Variants in KCNG2 observed in about 807,000 individuals in gnomAD.
KCNG2 encodes the protein voltage-gated potassium channel regulatory subunit KCNG2.
KCNG2 carries 7 observed loss-of-function variants against 12.3 expected under a neutral mutation model. The ratio of observed to expected loss-of-function variants is 0.57; its 90% CI spans 0.32 to 1.07. KCNG2 has a LOEUF of 1.07. KCNG2 is among the 50% of genes least tolerant of loss of function. The pLI is 0.04. For synonymous variants in KCNG2, 414 were observed against 351.4 expected (o/e 1.18, Z -1.99); for missense variants, 703 against 726.0 (o/e 0.97, Z 0.36).
intron 1 of KCNG2, among the ~76,000 whole-genome samples, chr18:79,836,416 T>C (rs2123032376): frequency 6.6e-6 from 1 of 152,214 alleles, no homozygotes; most frequent in African/African-American, 2.4e-5. Context: ...ACAGTTGTGG[T>C]TGGAGATAAC....
rs757022948 is a variant in KCNG2, at chr18:79,899,800, T to A, written c.1385T>A (p.Val462Glu). ...LADDSADALWVRAGR is the reference protein window; with the variant it reads ...LADDSADALWERAGR ...GACGACTCCGCGGATGCGCTGTGGG[T>A]GCGGGCAGGGCGCTGACGCCTGCGC... Residue 462 changes from valine (V) to glutamate (E), a missense_variant, in exon 4 of 4, where the codon GTG becomes GAG. Val to Glu is a moderately radical substitution (Grantham distance 121). Transcript: ENST00000316249. 11 of 1,421,922 alleles carry A rather than the reference T, an allele frequency of 7.7e-6. No individual in the cohort carries two copies. The highest frequency in any genetic ancestry group is 9.1e-6 in the Non-Finnish European group (10 of 1,096,246). The allele number at this position is 1,421,922 out of a possible 1,614,324, so 88.1% of individuals were successfully genotyped here.
chr18:79,883,448 CA>C (rs1383824723), intron 3 of KCNG2, among the ~76,000 whole-genome samples: 1 of 152,218 alleles, frequency 6.6e-6, no homozygotes, highest in Non-Finnish European at 1.5e-5. Flanking sequence ...GACAACTCCC[CA>C]AAATAGAATT....
At chr18:79,842,441 A>G (rs1461498579) in intron 1 of KCNG2, among the ~76,000 whole-genome samples, 1 of 152,264 alleles carries the variant, frequency 6.6e-6, no homozygotes, top group East Asian at 1.9e-4. Flanking sequence ...ATGCAAGGGC[A>G]CAAGGATCAT....
In KCNG2 at chr18:79,800,697, C is replaced by T. The variant is rs2087402503; in HGVS notation, c.-115+2683C>T. Among the ~76,000 whole-genome samples the T allele has an allele frequency of 6.6e-6, 1 of 152,216 alleles. No individual in the cohort carries two copies. The highest frequency in any genetic ancestry group is 1.5e-5 in the Non-Finnish European group (1 of 68,044). On this transcript the variant is annotated intron_variant, in intron 1 of 3. Transcript: ENST00000316249. The surrounding 1 kb of genome is among the most constrained non-coding windows in gnomAD (Gnocchi z 4.0). ...CAGTTCCTTCCCCGGGCGGGCGGCG[C>T]TGAGCAGACGGGAGGTGGGCTGGTG...
intron 2 of KCNG2, among the ~76,000 whole-genome samples, chr18:79,857,250 C>A (rs1418922120): frequency 6.7e-6 from 1 of 149,622 alleles, no homozygotes; most frequent in Non-Finnish European, 1.5e-5. Flanking sequence ...CTGACCACGT[C>A]CCCCCTCTTC....
chr18:79,804,054 C>G (rs2087430825), intron 1 of KCNG2, among the ~76,000 whole-genome samples: 1 of 152,196 alleles, frequency 6.6e-6, no homozygotes, highest in Non-Finnish European at 1.5e-5. Context: ...TGAATGCCTC[C>G]AGACCTGGGA....
intron 2 of KCNG2, among the ~76,000 whole-genome samples, chr18:79,858,447 T>C (rs140840169): frequency 7.7e-4 from 117 of 152,368 alleles, no homozygotes; most frequent in African/African-American, 2.7e-3. Context: ...TGGAGGCCCA[T>C]ATTTTGCTTC....
chr18:79,850,777 G>A (rs576761173), intron 1 of KCNG2, among the ~76,000 whole-genome samples: 2 of 152,326 alleles, frequency 1.3e-5, no homozygotes, highest in East Asian at 3.9e-4. Context: ...GCTTCATAGT[G>A]TAAATCCTTT....
chr18:79,809,867 A>G (rs1481934169), intron 1 of KCNG2, among the ~76,000 whole-genome samples: 1 of 152,086 alleles, frequency 6.6e-6, no homozygotes. Flanking sequence ...CGTCTCCTTC[A>G]TTGTTGCCGG....
intron 1 of KCNG2, among the ~76,000 whole-genome samples, chr18:79,831,675 G>C (rs2613524): frequency 0.058 from 504 of 8,728 alleles, 51 homozygotes; most frequent in African/African-American, 0.097. Flanking sequence ...TCGTCAGGAG[G>C]GTTCCCTGCG....
At chr18:79,861,753 C>T (rs1979229758) in intron 2 of KCNG2, among the ~76,000 whole-genome samples, 1 of 152,218 alleles carries the variant, frequency 6.6e-6, no homozygotes, top group Admixed American at 6.5e-5. Context: ...CCTTTCAGGA[C>T]TCTCACTATG....
At chr18:79,852,190 C>T (rs934255103) in intron 1 of KCNG2, among the ~76,000 whole-genome samples, 4 of 152,186 alleles carry the variant, frequency 2.6e-5, no homozygotes, top group African/African-American at 7.2e-5. Flanking sequence ...CTACCGCCAG[C>T]AGGGTCCCCC....
chr18:79,870,593 C>T (rs558168490), intron 3 of KCNG2, among the ~76,000 whole-genome samples: 10 of 152,338 alleles, frequency 6.6e-5, no homozygotes, highest in East Asian at 1.9e-4. Flanking sequence ...GAGACCTGCC[C>T]GCTGTTGGAG....
At chr18:79,858,690 G>A (rs1979108210) in intron 2 of KCNG2, among the ~76,000 whole-genome samples, 1 of 152,052 alleles carries the variant, frequency 6.6e-6, no homozygotes, top group Admixed American at 6.5e-5. Context: ...CACCAGCAAT[G>A]TACAGGGGTC....
Position 79,899,286 on chromosome 18 carries a change from C to G in KCNG2, c.871C>G (p.Arg291Gly), listed in dbSNP as rs777941099. 6.4e-7 allele frequency: 1 copy of G among 1,571,206 alleles called. No homozygotes were observed. The highest frequency in any genetic ancestry group is 1.2e-5 in the South Asian group (1 of 86,854). ...ERAGLVLRLLRALRVLYVMRL... is the reference protein window; with the variant it reads ...ERAGLVLRLLGALRVLYVMRL... ...CGCGGGGCTGGTGCTGCGGCTGCTGCGTGCGCTGCGCGTGCTCTACGTGAT... is the reference window on the plus strand; with the variant it reads ...CGCGGGGCTGGTGCTGCGGCTGCTGGGTGCGCTGCGCGTGCTCTACGTGAT... The change falls in exon 4 of 4, where the codon CGT (arginine) becomes GGT (glycine). Residue 291 changes from arginine (R) to glycine (G), a missense_variant. Physicochemically the swap from Arg to Gly is moderately radical, Grantham distance 125. Coordinates refer to ENST00000316249, the MANE Select transcript of KCNG2 (RefSeq NM_012283.2).
intron 2 of KCNG2, among the ~76,000 whole-genome samples, chr18:79,857,417 T>G (rs1307175553): frequency 6.6e-6 from 1 of 151,958 alleles, no homozygotes; most frequent in African/African-American, 2.4e-5. Context: ...GAGCTCTTAC[T>G]GGCAAGCTAA....
In KCNG2 at chr18:79,822,019, T is replaced by A. The variant is rs926298933; in HGVS notation, c.-115+24005T>A. Among the ~76,000 whole-genome samples, 4 of 151,954 alleles carry A rather than the reference T, an allele frequency of 2.6e-5. No individual in the cohort carries two copies. Among genetic ancestry groups the A allele is most frequent in the African/African-American group, 9.7e-5 (4 of 41,358 alleles). ...GGGCTGAGTGAATGTGCCAGATGGG[T>A]TTGTTGTGAGGAAATCCCAGCACTG... is the stretch of plus-strand genomic sequence containing the variant. On this transcript the variant is annotated intron_variant, in intron 1 of 3. Coordinates refer to ENST00000316249, the MANE Select transcript of KCNG2 (RefSeq NM_012283.2). This position sits in a 1 kb window ranked among gnomAD's most constrained non-coding sequence, Gnocchi z 4.4.
At chr18:79,825,565 G>A (rs2123011853) in intron 1 of KCNG2, among the ~76,000 whole-genome samples, 1 of 152,328 alleles carries the variant, frequency 6.6e-6, no homozygotes, top group East Asian at 1.9e-4. Flanking sequence ...AGGAGTCTCA[G>A]AAACCACGGA....
In KCNG2 at chr18:79,899,190, C is replaced by CTCCTGCCGT; in HGVS notation, c.778_786dup (p.Leu260_Phe262dup). 3 of 1,604,204 alleles carry CTCCTGCCGT rather than the reference C, an allele frequency of 1.9e-6. No individual in the cohort carries two copies. Among genetic ancestry groups the CTCCTGCCGT allele is most frequent in the Non-Finnish European group, 2.5e-6 (3 of 1,179,504 alleles). On this transcript the variant is annotated inframe_insertion, in exon 4 of 4. Coordinates refer to ENST00000316249, the MANE Select transcript of KCNG2 (RefSeq NM_012283.2). ...ACTCAACATCATTGACATCCTGGCG[C>CTCCTGCCGT]TCCTGCCGTTCTACGTGTCGCTGCT...
Sources: allele counts gnomAD v4.1 joint callset (sites outside exome capture counted in the v4.1 genomes callset), GRCh38; gene constraint gnomAD v4.1.1; non-coding constraint Gnocchi (gnomAD v3.1); transcripts MANE v1.5; gene names NCBI Gene and HGNC (gene_info 2026-07-23, HGNC 2026-07-21).